Variants in TENM2 observed in about 807,000 individuals in gnomAD.
The protein encoded by TENM2 is teneurin transmembrane protein 2.
TENM2 carries 52 observed loss-of-function variants against 245.2 expected under a neutral mutation model. The observed-to-expected ratio is 0.21, with a 90% confidence interval of 0.17 to 0.27. TENM2 has a LOEUF of 0.27. Ranked by LOEUF, TENM2 falls within the 10% of genes least tolerant of loss-of-function variation. The pLI is 1.00. For missense variants in TENM2, 3,046 were observed against 3,666.8 expected (o/e 0.83, Z 4.37); for synonymous variants, 1,363 against 1,438.9 (o/e 0.95, Z 1.19).
chr5:167,978,763 G>A (rs767986538), intron 4 of TENM2, among the ~76,000 whole-genome samples: 1 of 152,106 alleles, frequency 6.6e-6, no homozygotes, highest in Non-Finnish European at 1.5e-5. Flanking sequence ...ACTGAATTGT[G>A]CAATTAGAAA....
At chr5:167,445,739 T>C (rs1765171345) in intron 2 of TENM2, among the ~76,000 whole-genome samples, 1 of 152,102 alleles carries the variant, frequency 6.6e-6, no homozygotes, top group South Asian at 2.1e-4. Flanking sequence ...CCCTCTGCCA[T>C]TGCTTGTCTG....
the TENM2 span, among the ~76,000 whole-genome samples, chr5:167,278,125 A>G: frequency 0.089 from 13,479 of 151,986 alleles, 778 homozygotes; most frequent in East Asian, 0.19. Context: ...GCAACATGGC[A>G]AAATTCCATC....
the TENM2 span, among the ~76,000 whole-genome samples, chr5:167,088,352 C>T: frequency 2.6e-5 from 4 of 152,032 alleles, no homozygotes; most frequent in Non-Finnish European, 5.9e-5. Context: ...AGTGTTCGGG[C>T]GCGGTGACTC....
chr5:167,513,768 G>A (rs1249983802), intron 2 of TENM2, among the ~76,000 whole-genome samples: 1 of 152,112 alleles, frequency 6.6e-6, no homozygotes, highest in Non-Finnish European at 1.5e-5. Flanking sequence ...CCTCACCCTA[G>A]ACATCGAGGA....
At chr5:167,806,721 C>T (rs569575589) in intron 2 of TENM2, among the ~76,000 whole-genome samples, 4 of 152,068 alleles carry the variant, frequency 2.6e-5, no homozygotes, top group East Asian at 1.9e-4. Context: ...CAAAATGGCT[C>T]GCAGATCTCA....
At chr5:167,775,370 C>T (rs1284440558) in intron 2 of TENM2, among the ~76,000 whole-genome samples, 1 of 152,132 alleles carries the variant, frequency 6.6e-6, no homozygotes, top group Non-Finnish European at 1.5e-5. Flanking sequence ...AATTTCCCAT[C>T]ACAGTTGGAA....
At chr5:167,952,948 G>A in intron 4 of TENM2, 126 bp downstream of exon 6, 1 of 735,298 alleles carries the variant, frequency 1.4e-6, no homozygotes, top group Non-Finnish European at 2.3e-6. Context: ...AATGAGACAA[G>A]TTTACCACCT....
At chr5:167,651,977 A>C (rs1754501197) in intron 2 of TENM2, among the ~76,000 whole-genome samples, 1 of 152,178 alleles carries the variant, frequency 6.6e-6, no homozygotes, top group Non-Finnish European at 1.5e-5. Context: ...CCTCTCTCCC[A>C]CTACTTAATT....
At chr5:167,997,558 A>G (rs1307125058) in intron 5 of TENM2, among the ~76,000 whole-genome samples, 2 of 152,216 alleles carry the variant, frequency 1.3e-5, no homozygotes, top group Non-Finnish European at 2.9e-5. Context: ...CTACTTAGTG[A>G]CAGCTGGTTA....
At chr5:167,529,367 C>A (rs531025860) in intron 2 of TENM2, among the ~76,000 whole-genome samples, 1 of 152,238 alleles carries the variant, frequency 6.6e-6, no homozygotes, top group African/African-American at 2.4e-5. Flanking sequence ...GAGGTGTGAT[C>A]TCCTGGAGTT....
intron 27 of TENM2, among the ~76,000 whole-genome samples, chr5:168,259,183 G>C (rs1044532923): frequency 6.6e-6 from 1 of 152,186 alleles, no homozygotes; most frequent in Non-Finnish European, 1.5e-5. Flanking sequence ...CAGAGGGCAG[G>C]ACACTTGGGG....
the TENM2 span, among the ~76,000 whole-genome samples, chr5:167,239,320 G>A: frequency 6.6e-6 from 1 of 152,100 alleles, no homozygotes; most frequent in Non-Finnish European, 1.5e-5. Context: ...ACAGTTCAGG[G>A]CACAAGAATC....
intron 1 of TENM2, among the ~76,000 whole-genome samples, chr5:167,339,953 AT>A (rs1429951978): frequency 6.6e-6 from 1 of 152,222 alleles, no homozygotes; most frequent in African/African-American, 2.4e-5. Flanking sequence ...TGAGAAATAC[AT>A]TTCTGTGCTT....
chr5:168,175,668 T>A (rs771873202), intron 13 of TENM2, among the ~76,000 whole-genome samples: 2 of 152,164 alleles, frequency 1.3e-5, no homozygotes, highest in Non-Finnish European at 2.9e-5. Flanking sequence ...TCTCAGACCC[T>A]TTTTCTGAAA....
intron 5 of TENM2, among the ~76,000 whole-genome samples, chr5:168,046,912 A>G (rs999225140): frequency 3.3e-5 from 5 of 152,200 alleles, no homozygotes; most frequent in Admixed American, 2.6e-4. Context: ...TGCTGGCTGC[A>G]CTGATAGTTC....
intron 2 of TENM2, among the ~76,000 whole-genome samples, chr5:167,768,458 CTT>C (rs1763184354): frequency 6.6e-6 from 1 of 152,140 alleles, no homozygotes; most frequent in African/African-American, 2.4e-5. Context: ...CCATATAAGA[CTT>C]AACGATCTAC....
chr5:167,827,599 A>G (rs1007416287), intron 2 of TENM2, among the ~76,000 whole-genome samples: 27 of 108,052 alleles, frequency 2.5e-4, no homozygotes, highest in Non-Finnish European at 3.0e-4. Flanking sequence ...GGATATAATT[A>G]TATTTATTAT....
At chr5:167,683,749 G>A (rs1190935973) in intron 2 of TENM2, among the ~76,000 whole-genome samples, 2 of 152,182 alleles carry the variant, frequency 1.3e-5, no homozygotes, top group African/African-American at 2.4e-5. Context: ...GTTCCAAAGT[G>A]TAGAAATAAT....
intron 2 of TENM2, among the ~76,000 whole-genome samples, chr5:167,441,358 G>T (rs1362013786): frequency 6.6e-6 from 1 of 152,126 alleles, no homozygotes; most frequent in Non-Finnish European, 1.5e-5. Flanking sequence ...ATTAGCCAAA[G>T]CTGATAATTT....
Sources: gnomAD v4.1 joint callset for allele counts (sites outside exome capture counted in the v4.1 genomes callset) on GRCh38, gnomAD v4.1.1 for gene constraint, MANE v1.5 for transcripts, NCBI Gene and HGNC (gene_info 2026-07-23, HGNC 2026-07-21) for gene names.